SLC25A48: variants seen among roughly 807,000 people sequenced by gnomAD.
SLC25A48 encodes the protein solute carrier family 25 member 48.
Under a neutral mutation model 32.2 loss-of-function variants are expected in SLC25A48, and 29 were observed. The ratio of observed to expected loss-of-function variants is 0.90; its 90% CI spans 0.67 to 1.23. SLC25A48 has a LOEUF of 1.23. SLC25A48 is among the 50% of genes most tolerant of loss of function. SLC25A48 has a pLI of 0.00. For missense variants in SLC25A48, 399 were observed against 422.7 expected (o/e 0.94, Z 0.49); for synonymous variants, 164 against 172.3 (o/e 0.95, Z 0.38).
At chr5:135,721,311 C>T (rs1349986124) in intron 3 of SLC25A48, among the ~76,000 whole-genome samples, 1 of 148,972 alleles carries the variant, frequency 6.7e-6, no homozygotes, top group African/African-American at 2.5e-5. Flanking sequence ...AAGCAATTCT[C>T]CTGCCTCAGC....
rs6872740 is a variant in SLC25A48, at chr5:135,770,969, T to G, written c.-520-41554T>G. Among the ~76,000 whole-genome samples the G allele has an allele frequency of 4.4e-4, 67 of 151,900 alleles. 1 individual carries two copies. Among genetic ancestry groups the G allele is most frequent in the African/African-American group, 1.6e-3 (67 of 41,378 alleles). The stretch of plus-strand genomic sequence containing the variant: ...AAGAGGTGTTCAACCCCCTGTTATA[T>G]TGTTCCTAATATCTAGAAGAAAAGA... On this transcript the variant is annotated intron_variant, in intron 3 of 10. Transcript: ENST00000646290.
intron 3 of SLC25A48, among the ~76,000 whole-genome samples, chr5:135,716,245 G>C (rs1392683691): frequency 6.6e-6 from 1 of 152,208 alleles, no homozygotes; most frequent in Non-Finnish European, 1.5e-5. Context: ...CACCATCAGG[G>C]AAGAGAAGCA....
intron 4 of SLC25A48, among the ~76,000 whole-genome samples, chr5:135,828,840 A>G (rs1019263504): frequency 1.2e-4 from 18 of 152,204 alleles, no homozygotes; most frequent in South Asian, 2.1e-4. Context: ...TCCTACAGCC[A>G]TGGGGGCTTT....
intron 3 of SLC25A48, among the ~76,000 whole-genome samples, chr5:135,771,624 G>T (rs527850086): frequency 5.9e-5 from 9 of 151,574 alleles, no homozygotes; most frequent in African/African-American, 1.7e-4. Flanking sequence ...TATCACAGGG[G>T]GTGTACACTT....
In SLC25A48 at chr5:135,871,519, G is replaced by T. The variant is rs768363234; in HGVS notation, c.480G>T (p.Gly160=). 1 of 1,612,578 alleles carries T rather than the reference G, an allele frequency of 6.2e-7. No homozygotes were observed. The highest frequency in any genetic ancestry group is 2.2e-5 in the East Asian group (1 of 44,818). Residue 160 remains glycine (G), a synonymous_variant, in exon 5 of 8, where the codon GGG becomes GGT. Coordinates refer to ENST00000681962, the MANE Select transcript of SLC25A48 (RefSeq NM_001349336.2). ...CTGCGGAGCAGCCAGCATACCAGGG[G>T]CCAGTGCACTGCATTACAACCATTG... ...VAPAEQPAYQ[G]PVHCITTIVR...
At chr5:135,619,819 C>T (rs1334433413) in intron 1 of SLC25A48, among the ~76,000 whole-genome samples, 1 of 151,804 alleles carries the variant, frequency 6.6e-6, no homozygotes. Context: ...TTAGGGGAGG[C>T]TATGGTGAAG....
rs1760799624 is a variant in SLC25A48 at position 135,861,558 on chromosome 5, T to G, written c.421+8737T>G. 2.0e-5 allele frequency among the ~76,000 whole-genome samples: 3 copies of G among 152,258 alleles called. No individual in the cohort carries two copies. The South Asian group carries it at 6.2e-4, about 31-fold the overall frequency. The stretch of plus-strand genomic sequence containing the variant: ...TACATGAAGACCTCAGCACAATGTC[T>G]GGCATATAGAAAATGTGAAATAAAT... On this transcript the variant is annotated intron_variant, in intron 4 of 7. Coordinates refer to ENST00000681962, the MANE Select transcript of SLC25A48 (RefSeq NM_001349336.2).
intron 1 of SLC25A48, 78 bp downstream of exon 1, chr5:135,834,971 T>G: frequency 2.0e-6 from 3 of 1,494,546 alleles, no homozygotes; most frequent in South Asian, 1.2e-5. Context: ...GAGGAAACTT[T>G]GCCTCTGTGC....
rs116011325 is a variant in SLC25A48, at chr5:135,726,493, T to C, written c.-520-86030T>C. On this transcript the variant is annotated intron_variant, in intron 3 of 10. Coordinates refer to the SLC25A48 transcript ENST00000646290. ...CTTGCCTCCATTCCTTCTTAACCAT[T>C]TGCAGCCATGAAACTGTTCTCCATG... is the stretch of plus-strand genomic sequence containing the variant. 7.3e-3 allele frequency among the ~76,000 whole-genome samples: 1,107 copies of C among 152,304 alleles called. 12 individuals are homozygous for C. The highest frequency in any genetic ancestry group is 0.025 in the African/African-American group (1,036 of 41,568).
chr5:135,773,259 G>A (rs182175323), intron 3 of SLC25A48, among the ~76,000 whole-genome samples: 2 of 151,504 alleles, frequency 1.3e-5, no homozygotes, highest in Non-Finnish European at 3.0e-5. Flanking sequence ...CTCAGAATGT[G>A]TACACTTCCT....
chr5:135,828,746 C>T (rs1433265506), intron 4 of SLC25A48, among the ~76,000 whole-genome samples: 1 of 152,248 alleles, frequency 6.6e-6, no homozygotes, highest in African/African-American at 2.4e-5. Flanking sequence ...CTGTAGACGC[C>T]ACTGCCCACA....
rs749286571 is a variant in SLC25A48, at chr5:135,834,908, C to T, written c.46+15C>T. 6.3e-7 allele frequency: 1 copy of T among 1,598,754 alleles called. No individual in the cohort carries two copies. Among genetic ancestry groups the T allele is most frequent in the Non-Finnish European group, 8.5e-7 (1 of 1,173,096 alleles). On this transcript the variant is annotated intron_variant, in intron 1 of 7. Transcript: ENST00000681962. Reference sequence around the variant, plus strand: ...CTGGATCGGAGGTGAGTGTGCTTACCGGGGACCCCCGGTCAGAGAGAGCGA... The same window carrying T: ...CTGGATCGGAGGTGAGTGTGCTTACTGGGGACCCCCGGTCAGAGAGAGCGA...
At chr5:135,632,220 A>G (rs1409988133) in intron 2 of SLC25A48, among the ~76,000 whole-genome samples, 1 of 152,208 alleles carries the variant, frequency 6.6e-6, no homozygotes, top group Non-Finnish European at 1.5e-5. Flanking sequence ...CTTGAGGGCC[A>G]TGGGGAGCCA....
chr5:135,716,655 G>A (rs1250049230), intron 3 of SLC25A48, among the ~76,000 whole-genome samples: 2 of 152,170 alleles, frequency 1.3e-5, no homozygotes, highest in African/African-American at 2.4e-5. Flanking sequence ...AAGGACTCTT[G>A]TCCAACAAGG....
At chr5:135,785,750 G>A (rs1580876805) in intron 3 of SLC25A48, among the ~76,000 whole-genome samples, 1 of 149,896 alleles carries the variant, frequency 6.7e-6, no homozygotes, top group Admixed American at 6.6e-5. Flanking sequence ...CATGGGGCGG[G>A]GGTGAAACAT....
chr5:135,685,893 T>G (rs549158939), intron 3 of SLC25A48, among the ~76,000 whole-genome samples: 17 of 152,334 alleles, frequency 1.1e-4, no homozygotes, highest in African/African-American at 3.8e-4. Flanking sequence ...TCCTGCAGAT[T>G]CCCTGGGGAT....
intron 3 of SLC25A48, among the ~76,000 whole-genome samples, chr5:135,785,560 G>A (rs1048565867): frequency 1.3e-5 from 2 of 149,930 alleles, no homozygotes; most frequent in African/African-American, 4.9e-5. Flanking sequence ...ATCCAGGGGG[G>A]GAGAGGGTGA....
intron 1 of SLC25A48, among the ~76,000 whole-genome samples, chr5:135,584,885 A>G (rs1488354115): frequency 6.6e-6 from 1 of 152,252 alleles, no homozygotes; most frequent in Non-Finnish European, 1.5e-5. Context: ...TACAAACGTC[A>G]TTCTCTTTGA....
In SLC25A48 at chr5:135,842,441, C is replaced by A; in HGVS notation, c.72C>A (p.His24Gln). The A allele has an allele frequency of 6.2e-7, 1 of 1,613,872 alleles. No homozygotes were observed. The change falls in exon 2 of 8, where the codon CAC becomes CAA. Residue 24 changes from histidine (H) to glutamine (Q), a missense_variant. His to Gln is a conservative substitution (Grantham distance 24). Transcript: ENST00000681962. ...IGGAASVIVG[H>Q]PLDTVKTRLQ... ...GTGCAGCCAGTGTCATCGTTGGCCACCCTCTGGACACAGTCAAGGTACAGT... is the reference window on the plus strand; with the variant it reads ...GTGCAGCCAGTGTCATCGTTGGCCAACCTCTGGACACAGTCAAGGTACAGT...
Sources: gnomAD v4.1 joint callset for allele counts (sites outside exome capture counted in the v4.1 genomes callset) on GRCh38, gnomAD v4.1.1 for gene constraint, MANE v1.5 for transcripts, NCBI Gene and HGNC (gene_info 2026-07-23, HGNC 2026-07-21) for gene names.